Variants in PIP5K1A observed in about 807,000 individuals in gnomAD.
PIP5K1A encodes the protein phosphatidylinositol 4-phosphate 5-kinase type-1 alpha.
In PIP5K1A, 46 loss-of-function variants were observed where a neutral mutation model predicts 72.9. That is an observed-to-expected ratio of 0.63 (90% CI 0.50 to 0.81). The LOEUF (loss-of-function observed/expected upper bound fraction) is 0.81, where lower values mean the gene tolerates loss of function less well. Ranked by LOEUF, PIP5K1A falls within the 30% of genes least tolerant of loss-of-function variation. The pLI is 0.00. For synonymous variants in PIP5K1A, 228 were observed against 255.1 expected (o/e 0.89, Z 1.01); for missense variants, 458 against 706.1 (o/e 0.65, Z 3.98).
chr1:151,201,856 T>C (rs1685259627), intron 1 of PIP5K1A, among the ~76,000 whole-genome samples: 2 of 152,030 alleles, frequency 1.3e-5, no homozygotes, highest in Admixed American at 1.3e-4. Context: ...AGCAAGACTC[T>C]GTCTCAAAAC....
chr1:151,240,459 A>G (rs1389239525), intron 12 of PIP5K1A, among the ~76,000 whole-genome samples: 2 of 152,174 alleles, frequency 1.3e-5, no homozygotes, highest in Non-Finnish European at 2.9e-5. Context: ...TGCTTAGCAC[A>G]TGTTTTTAGT....
chr1:151,232,708 G>T lies in PIP5K1A; in HGVS notation c.639+5G>T. On this transcript the variant is annotated splice_donor_5th_base_variant and intron_variant, in intron 7 of 15. Transcript: ENST00000368888. Reference sequence around the variant, plus strand: ...CTGCTTCCAGGATACTACATGGTAAGGGAGAGAGAAGCACTGTCCACCTGT... The same window carrying T: ...CTGCTTCCAGGATACTACATGGTAATGGAGAGAGAAGCACTGTCCACCTGT... 1 of 1,612,812 alleles carries T rather than the reference G, an allele frequency of 6.2e-7. No homozygotes were observed. Among genetic ancestry groups the T allele is most frequent in the South Asian group, 1.1e-5 (1 of 90,996 alleles).
At chr1:151,221,889 T>C (rs977716526) in intron 1 of PIP5K1A, among the ~76,000 whole-genome samples, 22 of 151,894 alleles carry the variant, frequency 1.4e-4, no homozygotes, top group African/African-American at 4.8e-4. Flanking sequence ...CTGGGCAACA[T>C]AGTGAGACCT....
intron 1 of PIP5K1A, among the ~76,000 whole-genome samples, chr1:151,220,619 A>G (rs939776510): frequency 2.0e-5 from 3 of 151,676 alleles, no homozygotes; most frequent in Admixed American, 1.3e-4. Context: ...GGCGCCCACC[A>G]CCTTGCCCAG....
intron 3 of PIP5K1A, among the ~76,000 whole-genome samples, chr1:151,226,240 C>G (rs1689106708): frequency 6.6e-6 from 1 of 151,892 alleles, no homozygotes; most frequent in African/African-American, 2.4e-5. Flanking sequence ...GTGCCTACTA[C>G]CACGCCTGGG....
In PIP5K1A at chr1:151,218,831, CAAAAAAAAAAAAA is replaced by C. The variant is rs5777767; in HGVS notation, c.86-5404_86-5392del. On this transcript the variant is annotated intron_variant, in intron 1 of 15. Coordinates refer to ENST00000368888, the MANE Select transcript of PIP5K1A (RefSeq NM_001135638.2). ...CTGGCAACAGAGTGAGACTCTGTCT[CAAAAAAAAAAAAA>C]AAAAAAAAAGGCCAGAGATTATTCA... Among the ~76,000 whole-genome samples, 11 of 70,518 alleles carry C rather than the reference CAAAAAAAAAAAAA, an allele frequency of 1.6e-4. No homozygotes were observed. The East Asian group carries it at 3.1e-3, about 20-fold the overall frequency. The allele number at this position is 70,518 out of a possible 152,430, so 46.3% of individuals were successfully genotyped here. A position where few individuals can be genotyped will look rare whatever the true frequency, so the allele number is the denominator to read the frequency against.
At chr1:151,216,938 A>AAC (rs1179569437) in intron 1 of PIP5K1A, among the ~76,000 whole-genome samples, 100,922 of 143,744 alleles carry the variant, frequency 0.7, 34,232 homozygotes, top group Middle Eastern at 0.76. Context: ...TTTGAGACGG[A>AAC]GTCTCGCTCT....
At chr1:151,224,531 C>T (rs587617254) in intron 3 of PIP5K1A, 125 bp downstream of exon 3, 46 of 725,082 alleles carry the variant, frequency 6.3e-5, no homozygotes, top group Non-Finnish European at 1.0e-4. Context: ...AATACTGTAC[C>T]TAAGTGCCCT....
At position 151,248,958 on chromosome 1, in the gene PIP5K1A, G is replaced by A. The variant is rs1474956359; in HGVS notation, c.*1093G>A. 1 of 152,418 alleles carries A rather than the reference G, an allele frequency of 6.6e-6. No homozygotes were observed. Among genetic ancestry groups the A allele is most frequent in the African/African-American group, 2.4e-5 (1 of 41,436 alleles). The allele number at this position is 152,418 out of a possible 1,614,324, so 9.4% of individuals were successfully genotyped here. A position where few individuals can be genotyped will look rare whatever the true frequency, so the allele number is the denominator to read the frequency against. ...TTCTTAAACTCATGGGGAGACAGCA[G>A]ATTCTTGCCTTGGTGAGGTCATTGC... On this transcript the variant is annotated 3_prime_UTR_variant, in exon 16 of 16. Coordinates refer to ENST00000368888, the MANE Select transcript of PIP5K1A (RefSeq NM_001135638.2).
Position 151,242,165 on chromosome 1 carries a change from T to G in PIP5K1A, c.1406T>G (p.Phe469Cys). The G allele has an allele frequency of 6.2e-7, 1 of 1,614,174 alleles. No individual in the cohort carries two copies. The highest frequency in any genetic ancestry group is 8.5e-7 in the Non-Finnish European group (1 of 1,180,024). ...PSKKFRSGSS[F>C]SRRAGSSGNS... is the part of the protein sequence containing the mutation. ...AAAAAGTTTCGGTCTGGCTCATCTT[T>G]CTCTCGGCGAGCAGGCTCCAGTGGC... Residue 469 changes from phenylalanine to cysteine, a missense_variant, in exon 13 of 16, where the codon TTC becomes TGC. Around this residue, in one of 3 missense-constraint regions of PIP5K1A, gnomAD observed 157 missense variants for 175.5 expected, o/e 0.89. Coordinates refer to ENST00000368888, the MANE Select transcript of PIP5K1A (RefSeq NM_001135638.2).
At chr1:151,196,058 C>A (rs1000963097), upstream of PIP5K1A, among the ~76,000 whole-genome samples, 20 of 151,574 alleles carry the variant, frequency 1.3e-4, no homozygotes, top group Non-Finnish European at 2.5e-4. Flanking sequence ...CCAACTCACC[C>A]GGCTAATTTT....
chr1:151,217,898 G>T (rs374893208), intron 1 of PIP5K1A, among the ~76,000 whole-genome samples: 7 of 152,098 alleles, frequency 4.6e-5, no homozygotes, highest in African/African-American at 1.7e-4. Flanking sequence ...TCCTGCCTCA[G>T]ACTCGCAAGT....
chr1:151,231,195 G>C (rs926279388), intron 4 of PIP5K1A, among the ~76,000 whole-genome samples: 10 of 125,960 alleles, frequency 7.9e-5, no homozygotes, highest in African/African-American at 3.1e-4. Flanking sequence ...CTGGGTGACA[G>C]AGTGAGACTT....
At chr1:151,244,197 C>CAAAA (rs762646195) in intron 14 of PIP5K1A, among the ~76,000 whole-genome samples, 14 of 146,446 alleles carry the variant, frequency 9.6e-5, no homozygotes, top group Admixed American at 4.9e-4. Flanking sequence ...AAAAAAAAGT[C>CAAAA]GTGAAAATGT....
At position 151,238,999 on chromosome 1, in the gene PIP5K1A, C is replaced by T. The variant is rs1281328203; in HGVS notation, c.1230-131C>T. The T allele has an allele frequency of 1.7e-5, 11 of 646,528 alleles. No individual in the cohort carries two copies. The South Asian group carries it at 1.7e-4, about 10-fold the overall frequency. 40.0% of individuals were successfully genotyped at this position (646,528 alleles called of 1,614,324 possible). On this transcript the variant is annotated intron_variant, in intron 10 of 15. Coordinates refer to ENST00000368888, the MANE Select transcript of PIP5K1A (RefSeq NM_001135638.2). Reference sequence around the variant, plus strand: ...CCTGTTCTTGGGAAAACCAGTGTACCAGTAGATGTGCTTTCTCAGCTTCTG... The same window carrying T: ...CCTGTTCTTGGGAAAACCAGTGTACTAGTAGATGTGCTTTCTCAGCTTCTG...
In PIP5K1A at chr1:151,223,421, G is replaced by A. The variant is rs587696367; in HGVS notation, c.86-824G>A. Among the ~76,000 whole-genome samples the A allele has an allele frequency of 4.5e-3, 675 of 151,252 alleles. 6 individuals are homozygous for A. Among genetic ancestry groups the A allele is most frequent in the Middle Eastern group, 0.014 (4 of 290 alleles). On this transcript the variant is annotated intron_variant, in intron 1 of 15. Coordinates refer to ENST00000368888, the MANE Select transcript of PIP5K1A (RefSeq NM_001135638.2). ...AGCACTTTGGGAGGCCGAGGCAGGC[G>A]GATCATGAGGTCAGGAGATTGAGAC... is the stretch of plus-strand genomic sequence containing the variant.
At chr1:151,215,106 C>G (rs1184533859) in intron 1 of PIP5K1A, among the ~76,000 whole-genome samples, 1 of 150,168 alleles carries the variant, frequency 6.7e-6, no homozygotes, top group East Asian at 2.0e-4. Context: ...TCTCAGCTCA[C>G]TGTATCCTCC....
In PIP5K1A at chr1:151,202,575, C is replaced by T. The variant is rs115114702; in HGVS notation, c.85+3494C>T. ...GCAGCCTCAGCCTCCCGGGTTCAAG[C>T]GAGTTGCCTGCTCAGCCTCCCAAGT... On this transcript the variant is annotated intron_variant, in intron 1 of 15. Transcript: ENST00000368888. 9.9e-4 allele frequency among the ~76,000 whole-genome samples: 150 copies of T among 151,890 alleles called. 1 individual carries two copies. The highest frequency in any genetic ancestry group is 3.5e-3 in the African/African-American group (145 of 41,390).
chr1:151,201,554 T>C (rs1474047341), intron 1 of PIP5K1A, among the ~76,000 whole-genome samples: 1 of 151,896 alleles, frequency 6.6e-6, no homozygotes, highest in Non-Finnish European at 1.5e-5. Context: ...TGGGGTTTCA[T>C]CATGTCAGCC....
Sources: gnomAD v4.1 joint callset for allele counts (sites outside exome capture counted in the v4.1 genomes callset) on GRCh38, gnomAD v4.1.1 for gene constraint, gnomAD v4.1.1 regional missense constraint, MANE v1.5 for transcripts, NCBI Gene and HGNC (gene_info 2026-07-23, HGNC 2026-07-21) for gene names.